ADNP: variants seen among roughly 807,000 people sequenced by gnomAD.
The protein encoded by ADNP is activity-dependent neuroprotector homeobox protein.
Under a neutral mutation model 84.9 loss-of-function variants are expected in ADNP, and 4 were observed. The ratio of observed to expected loss-of-function variants is 0.05; its 90% CI spans 0.02 to 0.11. The LOEUF (loss-of-function observed/expected upper bound fraction) is 0.11, where lower values mean the gene tolerates loss of function less well. Ranked by LOEUF, ADNP falls within the 10% of genes least tolerant of loss-of-function variation. The pLI is 1.00. For missense variants in ADNP, 1,132 were observed against 1,326.0 expected (o/e 0.85, Z 2.27); for synonymous variants, 554 against 468.1 (o/e 1.18, Z -2.37).
At chr20:50,908,481 T>C (rs1982709327) in intron 2 of ADNP, among the ~76,000 whole-genome samples, 1 of 152,134 alleles carries the variant, frequency 6.6e-6, no homozygotes, top group Non-Finnish European at 1.5e-5. Flanking sequence ...CAGGGTTCAT[T>C]AATGTTATCT....
intron 2 of ADNP, among the ~76,000 whole-genome samples, chr20:50,910,541 C>T (rs1039844412): frequency 3.3e-5 from 5 of 152,160 alleles, no homozygotes; most frequent in Admixed American, 6.5e-5. Flanking sequence ...GGGCAATGAT[C>T]GTGCCACTGC....
In ADNP at chr20:50,893,334, G is replaced by A; in HGVS notation, c.1380C>T (p.Val460=). Residue 460 remains valine (V), a synonymous_variant, in exon 6 of 6, where the codon GTC becomes GTT. Coordinates refer to ENST00000621696, the MANE Select transcript of ADNP (RefSeq NM_001282531.3). The surrounding 1 kb of genome is among the most constrained non-coding windows in gnomAD (Gnocchi z 4.4). ...GTTCTTTTTCGAAGTGCACACTATA[G>A]ACATTTTCAGGAAAAAGCTCATTAC... ...TICNELFPEN[V]YSVHFEKEHK... is the part of the protein sequence containing the mutation. 1 of 1,614,168 alleles carries A rather than the reference G, an allele frequency of 6.2e-7. No homozygotes were observed. Among genetic ancestry groups the A allele is most frequent in the Non-Finnish European group, 8.5e-7 (1 of 1,180,036 alleles).
chr20:50,890,131 TAA>T lies in ADNP; in HGVS notation c.*1272_*1273del, dbSNP rs150489825. 0.15 allele frequency: 12,380 copies of T among 80,706 alleles called. 909 individuals carry two copies. Among genetic ancestry groups the T allele is most frequent in the Admixed American group, 0.21 (1,026 of 4,856 alleles). 5.0% of individuals were successfully genotyped at this position (80,706 alleles called of 1,614,324 possible). A position where few individuals can be genotyped will look rare whatever the true frequency, so the allele number is the denominator to read the frequency against. On this transcript the variant is annotated 3_prime_UTR_variant, in exon 6 of 6. Coordinates refer to ENST00000621696, the MANE Select transcript of ADNP (RefSeq NM_001282531.3). ...AACTCAAGGGTGTTTGTTTTTCAGTTAAAAAAAAAAAAAAAAAAAAAAAAAAA... is the reference window on the plus strand; with the variant it reads ...AACTCAAGGGTGTTTGTTTTTCAGTTAAAAAAAAAAAAAAAAAAAAAAAAA...
At position 50,891,698 on chromosome 20, in the gene ADNP, C is replaced by T; in HGVS notation, c.3016G>A (p.Ala1006Thr). The T allele has an allele frequency of 1.9e-6, 3 of 1,614,210 alleles. No homozygotes were observed. Among genetic ancestry groups the T allele is most frequent in the Non-Finnish European group, 2.5e-6 (3 of 1,180,042 alleles). The change falls in exon 6 of 6, where the codon GCA becomes ACA. Residue 1006 changes from alanine to threonine, a missense_variant. Ala to Thr is a moderately conservative substitution (Grantham distance 58). Coordinates refer to ENST00000621696, the MANE Select transcript of ADNP (RefSeq NM_001282531.3). Reference protein sequence around the residue: ...WSDESSQSEDARSSKPAAKKK... With the variant: ...WSDESSQSEDTRSSKPAAKKK... ...TTGGCAGCTGGCTTACTGCTCCTTG[C>T]ATCTTCGCTTTGGGAAGACTCGTCA... is the stretch of plus-strand genomic sequence containing the variant.
intron 5 of ADNP, among the ~76,000 whole-genome samples, chr20:50,899,729 C>T (rs901710172): frequency 4.6e-5 from 7 of 150,766 alleles, no homozygotes; most frequent in African/African-American, 1.7e-4. Flanking sequence ...TGATCTTGAC[C>T]CTGTGTAGGC....
intron 1 of ADNP, among the ~76,000 whole-genome samples, chr20:50,929,873 T>C (rs1041971002): frequency 6.6e-6 from 1 of 152,156 alleles, no homozygotes; most frequent in Non-Finnish European, 1.5e-5. Flanking sequence ...AATGGGGTTA[T>C]GGCAAGAAGT....
intron 2 of ADNP, among the ~76,000 whole-genome samples, chr20:50,925,522 A>G (rs993902808): frequency 6.6e-6 from 1 of 152,214 alleles, no homozygotes; most frequent in Non-Finnish European, 1.5e-5. Flanking sequence ...AGGATCAGAC[A>G]AACAACAAAA....
Position 50,890,042 on chromosome 20 carries a change from T to C in ADNP, c.*1363A>G, listed in dbSNP as rs1313613107. ...TGCCAATCCATGTTTACATTTTTTT[T>C]TTTATCATTGAGACATTTACATATA... On this transcript the variant is annotated 3_prime_UTR_variant, in exon 6 of 6. Coordinates refer to ENST00000621696, the MANE Select transcript of ADNP (RefSeq NM_001282531.3). 2.6e-6 allele frequency: 1 copy of C among 387,388 alleles called. No homozygotes were observed. Among genetic ancestry groups the C allele is most frequent in the Admixed American group, 4.5e-5 (1 of 22,382 alleles). The allele number at this position is 387,388 out of a possible 1,614,324, so 24.0% of individuals were successfully genotyped here. A position where few individuals can be genotyped will look rare whatever the true frequency, so the allele number is the denominator to read the frequency against.
In ADNP at chr20:50,889,277, G is replaced by A. The variant is rs1053814814; in HGVS notation, c.*2128C>T. The stretch of plus-strand genomic sequence containing the variant: ...TGTACAAGTCTCATTAGTCCTCCAC[G>A]TACAACTCAGAAGCCTGTTAATCAG... On this transcript the variant is annotated 3_prime_UTR_variant, in exon 6 of 6. Coordinates refer to ENST00000621696, the MANE Select transcript of ADNP (RefSeq NM_001282531.3). 4.6e-5 allele frequency: 7 copies of A among 152,136 alleles called. No homozygotes were observed. Among genetic ancestry groups the A allele is most frequent in the Admixed American group, 2.0e-4 (3 of 15,262 alleles). The allele number at this position is 152,136 out of a possible 1,614,324, so 9.4% of individuals were successfully genotyped here. A position where few individuals can be genotyped will look rare whatever the true frequency, so the allele number is the denominator to read the frequency against.
chr20:50,903,952 G>A lies in ADNP; in HGVS notation c.45C>T (p.Ala15=). The stretch of plus-strand genomic sequence containing the variant: ...TAAGTATTTTTTTCACAGTTTTCCG[G>A]GCTTTTCTTAAACTGCCAAGATTGT... The part of the protein sequence containing the change: ...PVNNLGSLRK[A]RKTVKKILSD... The change falls in exon 4 of 6, where the codon GCC becomes GCT. Residue 15 remains alanine, a synonymous_variant. Coordinates refer to ENST00000621696, the MANE Select transcript of ADNP (RefSeq NM_001282531.3). The A allele has an allele frequency of 6.2e-7, 1 of 1,613,870 alleles. No individual in the cohort carries two copies. The highest frequency in any genetic ancestry group is 8.5e-7 in the Non-Finnish European group (1 of 1,179,988).
At position 50,893,743 on chromosome 20, in the gene ADNP, C is replaced by T. The variant is rs749526904; in HGVS notation, c.971G>A (p.Ser324Asn). Residue 324 changes from serine (S) to asparagine (N), a missense_variant, in exon 6 of 6, where the codon AGT becomes AAT. Coordinates refer to ENST00000621696, the MANE Select transcript of ADNP (RefSeq NM_001282531.3). This position sits in a 1 kb window ranked among gnomAD's most constrained non-coding sequence, Gnocchi z 4.4. ...ATAGTTGTTCTGCTGCAGATGAACA[C>T]TGGACATCATGTTGACTCCTGTAGA... ...LNSTGVNMMS[S>N]VHLQQNNYGV... 8 of 1,614,146 alleles carry T rather than the reference C, an allele frequency of 5.0e-6. No individual in the cohort carries two copies. The South Asian group carries it at 8.8e-5, about 18-fold the overall frequency.
chr20:50,918,061 A>G (rs953072101), intron 2 of ADNP, among the ~76,000 whole-genome samples: 9 of 152,356 alleles, frequency 5.9e-5, no homozygotes, highest in African/African-American at 2.2e-4. Context: ...GGAAGAAAAG[A>G]GGAGTTATTG....
chr20:50,921,443 A>C (rs1305612167), intron 2 of ADNP, among the ~76,000 whole-genome samples: 1 of 152,236 alleles, frequency 6.6e-6, no homozygotes, highest in Non-Finnish European at 1.5e-5. Flanking sequence ...AGTTATGTAG[A>C]AACATAAAGG....
At chr20:50,913,444 T>G (rs1484227102) in intron 2 of ADNP, among the ~76,000 whole-genome samples, 1 of 152,100 alleles carries the variant, frequency 6.6e-6, no homozygotes, top group Non-Finnish European at 1.5e-5. Flanking sequence ...GATGCAAGAA[T>G]TTTTATATAT....
chr20:50,891,643 T>A lies in ADNP; in HGVS notation c.3071A>T (p.Glu1024Val), dbSNP rs1980738684. The A allele has an allele frequency of 6.2e-7, 1 of 1,614,038 alleles. No homozygotes were observed. The highest frequency in any genetic ancestry group is 1.3e-5 in the African/African-American group (1 of 74,914). Residue 1024 changes from glutamate to valine, a missense_variant, in exon 6 of 6, where the codon GAG becomes GTG. Physicochemically the swap from Glu to Val is moderately radical, Grantham distance 121 (BLOSUM62 -2). Transcript: ENST00000621696. The stretch of plus-strand genomic sequence containing the variant: ...GGAACTATTCTTCCATTTCAACTGC[T>A]CTCTGTCACCTTGCATGGTAGCCTT... ...KKKATMQGDREQLKWKNSSYG... is the reference protein window; with the variant it reads ...KKKATMQGDRVQLKWKNSSYG...
chr20:50,894,963 A>G (rs115624732), intron 5 of ADNP, among the ~76,000 whole-genome samples: 1 of 152,324 alleles, frequency 6.6e-6, no homozygotes, highest in South Asian at 2.1e-4. Context: ...AGAAACTCAA[A>G]AAAAAAGCTA....
chr20:50,898,284 G>C (rs1350200212), intron 5 of ADNP, among the ~76,000 whole-genome samples: 1 of 152,046 alleles, frequency 6.6e-6, no homozygotes. Context: ...TTCTTGAATT[G>C]TTTACACCAC....
At chr20:50,901,970 G>GTA in intron 5 of ADNP, 47 bp downstream of exon 5, 1 of 1,378,098 alleles carries the variant, frequency 7.3e-7, no homozygotes, top group Non-Finnish European at 1.0e-6. Context: ...TGAAAAGGGA[G>GTA]TATACCAAGC....
rs142624771 is a variant in ADNP, at chr20:50,893,666, C to T, written c.1048G>A (p.Gly350Ser). ...GYSVGQSMRL[G>S]LGGNAPVSIP... ...GAAACTGGTGCGTTGCCACCTAGAC[C>T]CAGTCTCATTGACTGACCAACACTG... Residue 350 changes from glycine (G) to serine (S), a missense_variant, in exon 6 of 6, where the codon GGT becomes AGT. By Grantham distance (56) the Gly-to-Ser change is moderately conservative (BLOSUM62 0). Transcript: ENST00000621696. This position sits in a 1 kb window ranked among gnomAD's most constrained non-coding sequence, Gnocchi z 4.4. 26 of 1,614,006 alleles carry T rather than the reference C, an allele frequency of 1.6e-5. No homozygotes were observed. The highest frequency in any genetic ancestry group is 2.2e-5 in the Non-Finnish European group (26 of 1,180,038).
Sources: gnomAD v4.1 joint callset for allele counts (sites outside exome capture counted in the v4.1 genomes callset) on GRCh38, gnomAD v4.1.1 for gene constraint, Gnocchi (gnomAD v3.1) non-coding constraint, MANE v1.5 for transcripts, NCBI Gene and HGNC (gene_info 2026-07-23, HGNC 2026-07-21) for gene names.